GTF3C5: variants seen among roughly 807,000 people sequenced by gnomAD.
The protein encoded by GTF3C5 is general transcription factor 3C polypeptide 5.
GTF3C5 carries 47 observed loss-of-function variants against 61.0 expected under a neutral mutation model. That is an observed-to-expected ratio of 0.77 (90% CI 0.61 to 0.98). GTF3C5 has a LOEUF of 0.98. Among genes scored for constraint, GTF3C5 ranks in the 50% least tolerant of loss-of-function variants. GTF3C5 has a pLI of 0.00. For synonymous variants in GTF3C5, 295 were observed against 275.4 expected, an observed-to-expected ratio of 1.07 and a Z score of -0.71; for missense variants, 659 against 703.3, an observed-to-expected ratio of 0.94 and a Z score of 0.71.
At chr9:133,055,456 G>C (rs1829909519) in intron 8 of GTF3C5, 7 of 1,222,786 alleles carry the variant, frequency 5.7e-6, no homozygotes, top group Non-Finnish European at 7.3e-6. Context: ...TTAGACCTTT[G>C]CTGCCTTCCC....
chr9:133,043,538 A>G (rs141544243), intron 2 of GTF3C5, among the ~76,000 whole-genome samples, 190 bp from the exon 3 acceptor site: 1 of 152,300 alleles, frequency 6.6e-6, no homozygotes, highest in Non-Finnish European at 1.5e-5. Context: ...ATTTTCATGT[A>G]AGTGACTTAG....
chr9:133,049,206 A>G (rs967409679), intron 3 of GTF3C5, among the ~76,000 whole-genome samples: 5 of 152,162 alleles, frequency 3.3e-5, no homozygotes, highest in African/African-American at 1.2e-4. Flanking sequence ...CACCATGGGG[A>G]GCGGTCTGGG....
intron 3 of GTF3C5, among the ~76,000 whole-genome samples, chr9:133,046,545 A>G (rs987320010): frequency 1.3e-5 from 2 of 152,164 alleles, no homozygotes; most frequent in African/African-American, 4.8e-5. Flanking sequence ...GGGCTTTCTC[A>G]TTCCTCATTA....
In GTF3C5 at chr9:133,056,108, G is replaced by C. The variant is rs191436953; in HGVS notation, c.1250+14G>C. The C allele has an allele frequency of 6.2e-7, 1 of 1,611,480 alleles. No individual in the cohort carries two copies. The highest frequency in any genetic ancestry group is 2.2e-5 in the East Asian group (1 of 44,852). On this transcript the variant is annotated intron_variant, in intron 9 of 10. Transcript: ENST00000372097. ...GAATGTGGAAGAGTACGTATGGGAG[G>C]GGCCCTGAGACACTGAGGGGGGCCC...
upstream of GTF3C5, chr9:133,030,942 A>T: frequency 6.5e-7 from 1 of 1,532,518 alleles, no homozygotes; most frequent in South Asian, 1.1e-5. Flanking sequence ...CCTTCGCGGA[A>T]CAATTGAGGC....
chr9:133,055,079 C>T lies in GTF3C5; in HGVS notation c.1167+270C>T, dbSNP rs150471154. The T allele has an allele frequency of 6.7e-4, 1,032 of 1,550,790 alleles. 5 individuals are homozygous for T. The East Asian group carries it at 0.021, about 31-fold the overall frequency. On this transcript the variant is annotated intron_variant, in intron 8 of 10. Coordinates refer to ENST00000372097, the MANE Select transcript of GTF3C5 (RefSeq NM_012087.4). ...AGCAGCTGCATGTGGTTGTCCTTCT[C>T]GAGCCCTTTGGGAGCCTGGGCCCCC...
chr9:133,052,023 T>C, intron 4 of GTF3C5, 37 bp from the exon 5 acceptor site: 1 of 1,124,500 alleles, frequency 8.9e-7, no homozygotes, highest in Non-Finnish European at 1.3e-6. Flanking sequence ...TGGAAGCTGC[T>C]GGTGCTCATC....
In GTF3C5 at chr9:133,056,081, T is replaced by C; in HGVS notation, c.1237T>C (p.Leu413=). 1 of 1,614,006 alleles carries C rather than the reference T, an allele frequency of 6.2e-7. No homozygotes were observed. The change falls in exon 9 of 11, where the codon TTG becomes CTG. Residue 413 remains leucine, a synonymous_variant. Transcript: ENST00000372097. The part of the protein sequence containing the change: ...YRQMFYQLCD[L]NVEELQKIIH... ...GCAGATGTTCTACCAGTTATGCGAC[T>C]TGAATGTGGAAGAGTACGTATGGGA...
chr9:133,052,732 A>C (rs532540190), intron 5 of GTF3C5, among the ~76,000 whole-genome samples: 40 of 152,328 alleles, frequency 2.6e-4, no homozygotes, highest in Non-Finnish European at 5.4e-4. Context: ...GGTCTGCAAC[A>C]GGCAGTAGGA....
chr9:133,032,371 G>A (rs901600102), intron 1 of GTF3C5, among the ~76,000 whole-genome samples: 26 of 152,218 alleles, frequency 1.7e-4, no homozygotes, highest in Admixed American at 1.7e-3. Context: ...GACGGGACGA[G>A]CGATTTCGGT....
chr9:133,049,390 G>A (rs972707088), intron 3 of GTF3C5, among the ~76,000 whole-genome samples: 10 of 152,184 alleles, frequency 6.6e-5, no homozygotes, highest in African/African-American at 1.4e-4. Flanking sequence ...GCTCGATCCC[G>A]TCTTTCTAGT....
At position 133,050,639 on chromosome 9, in the gene GTF3C5, GT is replaced by G. The variant is rs1850342437; in HGVS notation, c.573-143del. ...GGTTCCTTTAGCAGCCAACTCTGGGGTCCTTTCCCAGCACAGATGTCCAGAG... is the reference window on the plus strand; with the variant it reads ...GGTTCCTTTAGCAGCCAACTCTGGGGCCTTTCCCAGCACAGATGTCCAGAG... On this transcript the variant is annotated intron_variant, in intron 3 of 10. Coordinates refer to ENST00000372097, the MANE Select transcript of GTF3C5 (RefSeq NM_012087.4). The G allele has an allele frequency of 6.6e-6, 4 of 602,812 alleles. No homozygotes were observed. The South Asian group carries it at 8.7e-5, about 13-fold the overall frequency. 37.3% of individuals were successfully genotyped at this position (602,812 alleles called of 1,614,324 possible).
intron 3 of GTF3C5, among the ~76,000 whole-genome samples, chr9:133,048,771 T>G (rs941392419): frequency 4.6e-5 from 7 of 152,230 alleles, no homozygotes; most frequent in African/African-American, 1.7e-4. Flanking sequence ...GGAAGCTGTT[T>G]CCAGCCCCTG....
In GTF3C5 at chr9:133,042,094, C is replaced by T. The variant is rs377659318; in HGVS notation, c.161C>T (p.Ala54Val). The change falls in exon 2 of 11, where the codon GCA (alanine) becomes GTA (valine). Residue 54 changes from alanine (A) to valine (V), a missense_variant. Ala to Val is a moderately conservative substitution (Grantham distance 64). Transcript: ENST00000372097. Reference protein sequence around the residue: ...GGEEGVSRIYADPTKRLELYF... With the variant: ...GGEEGVSRIYVDPTKRLELYF... ...CCTTTGGCCTTGCCACAGATCTACG[C>T]AGACCCCACCAAGAGGCTGGAGCTG... The T allele has an allele frequency of 6.2e-7, 1 of 1,613,000 alleles. No individual in the cohort carries two copies. Among genetic ancestry groups the T allele is most frequent in the Non-Finnish European group, 8.5e-7 (1 of 1,179,490 alleles).
chr9:133,042,193 G>A lies in GTF3C5; in HGVS notation c.260G>A (p.Arg87His), dbSNP rs147553955. 65 of 1,613,628 alleles carry A rather than the reference G, an allele frequency of 4.0e-5. No homozygotes were observed. In the East Asian group the frequency reaches 8.5e-4, roughly 21 times the overall value. The change falls in exon 2 of 11, where the codon CGC becomes CAC. Residue 87 changes from arginine (R) to histidine (H), a missense_variant. Physicochemically the swap from Arg to His is conservative, Grantham distance 29 (BLOSUM62 0). Coordinates refer to ENST00000372097, the MANE Select transcript of GTF3C5 (RefSeq NM_012087.4). ...TTCAGTACCAGCAGCCTGCTGCTCC[G>A]CATCAGGAAGAGAACGAGGCGGCAG... is the stretch of plus-strand genomic sequence containing the variant. ...NRFSTSSLLL[R>H]IRKRTRRQKG...
chr9:133,033,150 CAT>C (rs1217865817), intron 1 of GTF3C5, among the ~76,000 whole-genome samples: 4 of 152,262 alleles, frequency 2.6e-5, no homozygotes, highest in African/African-American at 9.6e-5. Flanking sequence ...ACCAGAAAAA[CAT>C]AGACTCAAAT....
At chr9:133,034,830 C>T (rs1355548040) in intron 1 of GTF3C5, among the ~76,000 whole-genome samples, 1 of 152,184 alleles carries the variant, frequency 6.6e-6, no homozygotes, top group Non-Finnish European at 1.5e-5. Context: ...TTTTAAGAAA[C>T]TGATCTTTGT....
chr9:133,037,369 A>T (rs1488484370), intron 1 of GTF3C5, among the ~76,000 whole-genome samples: 3 of 152,178 alleles, frequency 2.0e-5, no homozygotes, highest in Non-Finnish European at 4.4e-5. Flanking sequence ...TCTTACAGGC[A>T]GTATTGGGAT....
upstream of GTF3C5, chr9:133,030,937 G>T (rs1554727839): frequency 6.6e-7 from 1 of 1,524,900 alleles, no homozygotes. Flanking sequence ...CGATTCCTTC[G>T]CGGAACAATT....
Sources: gnomAD v4.1 joint callset for allele counts (sites outside exome capture counted in the v4.1 genomes callset) on GRCh38, gnomAD v4.1.1 for gene constraint, MANE v1.5 for transcripts, NCBI Gene and HGNC (gene_info 2026-07-23, HGNC 2026-07-21) for gene names.